GPR107: variants seen among roughly 807,000 people sequenced by gnomAD.
GPR107 encodes protein GPR107.
GPR107 carries 31 observed loss-of-function variants against 75.5 expected under a neutral mutation model. The observed-to-expected ratio is 0.41, with a 90% CI of 0.31 to 0.55. The LOEUF (loss-of-function observed/expected upper bound fraction) is 0.55, where lower values mean the gene tolerates loss of function less well. Among genes scored for constraint, GPR107 ranks in the 20% least tolerant of loss-of-function variants. The probability of loss-of-function intolerance (pLI) is 0.26; values close to 1 mark genes in which losing one functional copy is unlikely to be tolerated. For synonymous variants in GPR107, 267 were observed against 251.3 expected (o/e 1.06, Z -0.59); for missense variants, 572 against 665.7 (o/e 0.86, Z 1.55).
rs547688633 is a variant in GPR107 at position 130,125,491 on chromosome 9, C to G, written c.1356+527C>G. 4.5e-4 allele frequency among the ~76,000 whole-genome samples: 68 copies of G among 151,804 alleles called. 1 individual carries two copies. Among genetic ancestry groups the G allele is most frequent in the African/African-American group, 1.6e-3 (65 of 41,416 alleles). ...CAGAGCTCAAAAGATCCTCCCGCCT[C>G]AGTCACCTGAGTAGCTGGGACTGCA... On this transcript the variant is annotated intron_variant, in intron 15 of 17. Transcript: ENST00000347136.
chr9:130,094,208 G>A (rs934713875), intron 9 of GPR107, among the ~76,000 whole-genome samples: 3 of 152,182 alleles, frequency 2.0e-5, no homozygotes, highest in Admixed American at 6.5e-5. Context: ...ACTTTGGGAG[G>A]CCGAGGTGGG....
chr9:130,131,673 A>G (rs1296268379), intron 17 of GPR107, among the ~76,000 whole-genome samples: 4 of 149,220 alleles, frequency 2.7e-5, no homozygotes, highest in African/African-American at 7.5e-5. Flanking sequence ...GCCCCTCCCC[A>G]TTGTTCCCTA....
At chr9:130,095,156 G>T (rs1037402286) in intron 9 of GPR107, among the ~76,000 whole-genome samples, 1 of 152,060 alleles carries the variant, frequency 6.6e-6, no homozygotes, top group African/African-American at 2.4e-5. Context: ...CTATGAAACT[G>T]GGACAGTAAT....
intron 15 of GPR107, among the ~76,000 whole-genome samples, chr9:130,126,448 C>T (rs1156993396): frequency 1.3e-5 from 2 of 150,144 alleles, no homozygotes; most frequent in South Asian, 2.1e-4. Context: ...TGGGTTCAAG[C>T]GATTCTCTTG....
At chr9:130,073,033 C>T (rs1423894941) in intron 1 of GPR107, among the ~76,000 whole-genome samples, 8 of 152,212 alleles carry the variant, frequency 5.3e-5, no homozygotes, top group South Asian at 2.1e-4. Context: ...CCTCCAGAAG[C>T]ACCCTAAGCC....
At chr9:130,133,103 G>A (rs1554899431) in intron 17 of GPR107, 1 of 152,180 alleles carries the variant, frequency 6.6e-6, no homozygotes, top group East Asian at 1.9e-4. Flanking sequence ...GTTGGAAGTG[G>A]CTTTGCAGGG....
intron 14 of GPR107, among the ~76,000 whole-genome samples, chr9:130,122,589 C>T (rs771673974): frequency 3.9e-5 from 6 of 152,158 alleles, no homozygotes; most frequent in Admixed American, 6.5e-5. Context: ...TCAGTGAGTG[C>T]ATAATTTGTG....
At chr9:130,108,859 GC>G in intron 14 of GPR107, 1 of 388,128 alleles carries the variant, frequency 2.6e-6, no homozygotes. Flanking sequence ...GTGGCTTTAA[GC>G]AGGAGTCACA....
At chr9:130,084,068 A>ATATATATATG (rs1047583476) in intron 6 of GPR107, among the ~76,000 whole-genome samples, 1 of 146,972 alleles carries the variant, frequency 6.8e-6, no homozygotes, top group Non-Finnish European at 1.5e-5. Context: ...ATATATATAT[A>ATATATATATG]TGTACACACA....
chr9:130,096,649 G>T (rs931365529), intron 9 of GPR107, among the ~76,000 whole-genome samples: 1 of 151,794 alleles, frequency 6.6e-6, no homozygotes, highest in African/African-American at 2.4e-5. Context: ...TGTATTTTTC[G>T]TAGAGACGGG....
At chr9:130,083,725 T>C (rs571920821) in intron 6 of GPR107, 123 bp downstream of exon 6, 27 of 503,738 alleles carry the variant, frequency 5.4e-5, no homozygotes, top group African/African-American at 4.4e-4. Context: ...CACATACATA[T>C]ACAGTCGTCC....
chr9:130,103,867 TTCTC>T lies in GPR107; in HGVS notation c.1132-546_1132-543del, dbSNP rs952950778. 1.3e-5 allele frequency among the ~76,000 whole-genome samples: 2 copies of T among 152,150 alleles called. No homozygotes were observed. The highest frequency in any genetic ancestry group is 4.8e-5 in the African/African-American group (2 of 41,440). ...GACTTAAAACGACAATAACCCGTCA[TTCTC>T]TCTCTCAGTTTCTGTGGGTTAGGAA... On this transcript the variant is annotated intron_variant, in intron 12 of 17. Coordinates refer to ENST00000347136, the MANE Select transcript of GPR107 (RefSeq NM_020960.5). This position sits in a 1 kb window ranked among gnomAD's most constrained non-coding sequence, Gnocchi z 4.3.
In GPR107 at chr9:130,079,532, A is replaced by AC. The variant is rs1413092066; in HGVS notation, c.387-98_387-97insC. The AC allele has an allele frequency of 4.6e-6, 4 of 876,328 alleles. No homozygotes were observed. The African/African-American group carries it at 6.7e-5, about 15-fold the overall frequency. The allele number at this position is 876,328 out of a possible 1,614,324, so 54.3% of individuals were successfully genotyped here. On this transcript the variant is annotated intron_variant, in intron 4 of 17. Transcript: ENST00000347136. ...TAGAATCTACATTGTAGAACATGAT[A>AC]AGGACTGCATGAGCTTGGCACAGGG...
At chr9:130,118,429 G>A (rs1273940845) in intron 14 of GPR107, among the ~76,000 whole-genome samples, 5 of 151,402 alleles carry the variant, frequency 3.3e-5, no homozygotes, top group South Asian at 2.1e-4. Context: ...TGTGGGGGGC[G>A]TTGCTCTTCT....
chr9:130,059,584 G>C (rs1829877205), intron 1 of GPR107, among the ~76,000 whole-genome samples: 1 of 151,940 alleles, frequency 6.6e-6, no homozygotes, highest in Non-Finnish European at 1.5e-5. Context: ...GCTCTTTTAA[G>C]AACATGGCTA....
chr9:130,102,254 C>T (rs577720786), intron 12 of GPR107, among the ~76,000 whole-genome samples: 1 of 152,318 alleles, frequency 6.6e-6, no homozygotes, highest in Admixed American at 6.5e-5. Context: ...GCTGTCGAGC[C>T]ACCGTGGTCA....
In GPR107 at chr9:130,092,355, C is replaced by A. The variant is rs765296013; in HGVS notation, c.837C>A (p.Ile279=). Residue 279 remains isoleucine, a synonymous_variant, in exon 9 of 18, where the codon ATC becomes ATA. Transcript: ENST00000347136. ...MAFFFFLSGT[I]WIHILRKRRN... is the part of the protein sequence containing the mutation. ...TTTTCTTCTTTCTTTCTGGGACCAT[C>A]TGGATTCATATCCTTCGAAAACGAC... 7 of 1,612,394 alleles carry A rather than the reference C, an allele frequency of 4.3e-6. No individual in the cohort carries two copies. In the South Asian group the frequency reaches 7.7e-5, roughly 18 times the overall value.
rs1554900154 is a variant in GPR107, at chr9:130,137,624, A to G, written c.*2503A>G. On this transcript the variant is annotated 3_prime_UTR_variant, in exon 18 of 18. Transcript: ENST00000347136. The stretch of plus-strand genomic sequence containing the variant: ...TTTTAAAAAATTATTGAAGCTCTCC[A>G]TCCTGTTCTGTGAGTGTGTCTTCTC... 3.3e-5 allele frequency: 5 copies of G among 152,196 alleles called. No homozygotes were observed. The highest frequency in any genetic ancestry group is 1.2e-4 in the African/African-American group (5 of 41,436). 9.4% of individuals were successfully genotyped at this position (152,196 alleles called of 1,614,324 possible).
In GPR107 at chr9:130,136,282, A is replaced by C. The variant is rs1390120707; in HGVS notation, c.*1161A>C. The C allele has an allele frequency of 6.6e-6, 1 of 152,228 alleles. No homozygotes were observed. Among genetic ancestry groups the C allele is most frequent in the East Asian group, 1.9e-4 (1 of 5,194 alleles). The allele number at this position is 152,228 out of a possible 1,614,324, so 9.4% of individuals were successfully genotyped here. A position where few individuals can be genotyped will look rare whatever the true frequency, so the allele number is the denominator to read the frequency against. ...ATTAAGTTCCCTTCCACACTTCCAG[A>C]GCTTGAATGAACACAGGTAGCCACC... is the stretch of plus-strand genomic sequence containing the variant. On this transcript the variant is annotated 3_prime_UTR_variant, in exon 18 of 18. Transcript: ENST00000347136.
Sources: gnomAD v4.1 joint callset for allele counts (sites outside exome capture counted in the v4.1 genomes callset) on GRCh38, gnomAD v4.1.1 for gene constraint, Gnocchi (gnomAD v3.1) non-coding constraint, MANE v1.5 for transcripts, NCBI Gene and HGNC (gene_info 2026-07-23, HGNC 2026-07-21) for gene names.